DPP10: variants seen among roughly 807,000 people sequenced by gnomAD.
The protein encoded by DPP10 is dipeptidyl peptidase like 10, also known as inactive dipeptidyl peptidase 10.
Under a neutral mutation model 120.9 loss-of-function variants are expected in DPP10, and 33 were observed. That is an observed-to-expected ratio of 0.27 (90% CI 0.21 to 0.37). The LOEUF is 0.37. Among genes scored for constraint, DPP10 ranks in the 10% least tolerant of loss-of-function variants. The pLI, the probability that DPP10 is intolerant of heterozygous loss-of-function variation, is 1.00. For synonymous variants in DPP10, 337 were observed against 326.1 expected (o/e 1.03, Z -0.36); for missense variants, 816 against 942.8 (o/e 0.87, Z 1.76).
intron 5 of DPP10, among the ~76,000 whole-genome samples, chr2:115,561,808 T>A (rs1447982012): frequency 2.0e-5 from 3 of 152,202 alleles, no homozygotes; most frequent in African/African-American, 7.2e-5. Context: ...TTACTTATAT[T>A]TGGGGGTTTA....
intron 3 of DPP10, among the ~76,000 whole-genome samples, chr2:115,416,913 A>G (rs1361171386): frequency 6.6e-6 from 1 of 152,202 alleles, no homozygotes; most frequent in African/African-American, 2.4e-5. Flanking sequence ...AGACCGCTCA[A>G]GTCAAGGGAC....
At chr2:115,019,722 T>C (rs188378685) in intron 1 of DPP10, among the ~76,000 whole-genome samples, 3 of 152,324 alleles carry the variant, frequency 2.0e-5, no homozygotes, top group African/African-American at 7.2e-5. Context: ...CATCAGGTTA[T>C]CTAAAGTCAA....
intron 5 of DPP10, among the ~76,000 whole-genome samples, chr2:115,586,883 TTGAC>T (rs1446636276): frequency 1.3e-5 from 2 of 152,114 alleles, no homozygotes; most frequent in African/African-American, 2.4e-5. Flanking sequence ...TTTAAAATTT[TTGAC>T]TGACAAATTA....
intron 11 of DPP10, among the ~76,000 whole-genome samples, chr2:115,758,412 C>G (rs984448965): frequency 3.9e-5 from 6 of 152,120 alleles, no homozygotes; most frequent in African/African-American, 1.4e-4. Flanking sequence ...TGAAATACCC[C>G]AATACTGAAT....
chr2:115,190,812 C>T (rs929377205), intron 1 of DPP10, among the ~76,000 whole-genome samples: 3 of 152,204 alleles, frequency 2.0e-5, no homozygotes, highest in East Asian at 1.9e-4. Context: ...ACATAACAGT[C>T]GCTTTTGTTT....
intron 1 of DPP10, among the ~76,000 whole-genome samples, chr2:114,872,206 AG>A (rs1171124711): frequency 1.3e-5 from 2 of 152,176 alleles, no homozygotes; most frequent in African/African-American, 2.4e-5. Context: ...TGGAGGCCTC[AG>A]GAAACTTACA....
chr2:115,381,762 C>T (rs1359421372), intron 3 of DPP10, among the ~76,000 whole-genome samples: 3 of 151,900 alleles, frequency 2.0e-5, no homozygotes, highest in Non-Finnish European at 4.4e-5. Context: ...TGTTAGTTTT[C>T]CTTTTAACAG....
At chr2:115,610,222 C>G (rs976195130) in intron 5 of DPP10, among the ~76,000 whole-genome samples, 1 of 152,046 alleles carries the variant, frequency 6.6e-6, no homozygotes, top group Non-Finnish European at 1.5e-5. Context: ...CCTCAGTTCC[C>G]CTCACCCCCC....
At chr2:115,782,848 T>C (rs1682929184) in intron 17 of DPP10, among the ~76,000 whole-genome samples, 1 of 152,118 alleles carries the variant, frequency 6.6e-6, no homozygotes, top group Admixed American at 6.6e-5. Context: ...GTTTTGTATA[T>C]GCACTTTTTC....
At chr2:115,471,778 TTTGTTGTTG>T (rs57533300) in intron 3 of DPP10, among the ~76,000 whole-genome samples, 1 of 149,618 alleles carries the variant, frequency 6.7e-6, no homozygotes, top group Non-Finnish European at 1.5e-5. Context: ...TCTGTTTTTG[TTTGTTGTTG>T]TTGTTGTTGT....
At chr2:114,968,065 A>G (rs1339384473) in intron 1 of DPP10, among the ~76,000 whole-genome samples, 1 of 152,188 alleles carries the variant, frequency 6.6e-6, no homozygotes, top group Admixed American at 6.5e-5. Flanking sequence ...GATTTTCCAC[A>G]TAAGCAAACC....
chr2:115,691,536 TC>T (rs2091314186), intron 7 of DPP10, among the ~76,000 whole-genome samples: 2 of 152,156 alleles, frequency 1.3e-5, no homozygotes, highest in South Asian at 4.1e-4. Context: ...TGAGTCTTCT[TC>T]CGGCTCTTTT....
chr2:115,612,483 T>A lies in DPP10; in HGVS notation c.442-77204T>A, dbSNP rs533343876. 1.1e-4 allele frequency among the ~76,000 whole-genome samples: 16 copies of A among 152,292 alleles called. No individual in the cohort carries two copies. The East Asian group carries it at 3.1e-3, about 29-fold the overall frequency. On this transcript the variant is annotated intron_variant, in intron 5 of 25. Transcript: ENST00000410059. ...CGAAATCTACTAAAAAATGCAACAT[T>A]ATCATTATTGCATTTACATATTTCT...
intron 5 of DPP10, among the ~76,000 whole-genome samples, chr2:115,560,547 C>G (rs891478259): frequency 2.0e-5 from 3 of 147,040 alleles, no homozygotes; most frequent in Admixed American, 6.9e-5. Context: ...AAGAAAAGCT[C>G]ACAGTGATCT....
intron 3 of DPP10, among the ~76,000 whole-genome samples, chr2:115,442,827 C>T (rs186590189): frequency 1.3e-3 from 193 of 152,132 alleles, no homozygotes; most frequent in Non-Finnish European, 1.3e-3. Context: ...TAACACTTGC[C>T]GGAATAATTA....
chr2:114,631,306 C>A (rs1310823958), intron 1 of DPP10, among the ~76,000 whole-genome samples: 1 of 152,140 alleles, frequency 6.6e-6, no homozygotes, highest in East Asian at 1.9e-4. Flanking sequence ...CACTGTGAGT[C>A]CCCTCTAAAA....
intron 4 of DPP10, among the ~76,000 whole-genome samples, chr2:115,500,759 T>C (rs894341652): frequency 6.6e-6 from 1 of 152,024 alleles, no homozygotes; most frequent in Non-Finnish European, 1.5e-5. Context: ...GTCAAGGATA[T>C]GTACAGCAGA....
At chr2:114,839,069 C>T (rs1470170442) in intron 1 of DPP10, among the ~76,000 whole-genome samples, 2 of 152,082 alleles carry the variant, frequency 1.3e-5, no homozygotes, top group Non-Finnish European at 2.9e-5. Flanking sequence ...GACAAGTACA[C>T]TATTGAAAAT....
chr2:114,850,871 C>T (rs1354883700), intron 1 of DPP10, among the ~76,000 whole-genome samples: 1 of 152,006 alleles, frequency 6.6e-6, no homozygotes, highest in Non-Finnish European at 1.5e-5. Context: ...GCATGGTACC[C>T]AACAATGTCA....
Sources: gnomAD v4.1 joint callset for allele counts (sites outside exome capture counted in the v4.1 genomes callset) on GRCh38, gnomAD v4.1.1 for gene constraint, MANE v1.5 for transcripts, NCBI Gene and HGNC (gene_info 2026-07-23, HGNC 2026-07-21) for gene names.